Variants in ENPP3 observed in about 807,000 individuals in gnomAD.
ENPP3 encodes ectonucleotide pyrophosphatase/phosphodiesterase family member 3.
A neutral mutation model predicts 117.8 loss-of-function variants in ENPP3; 104 were observed. The observed-to-expected ratio is 0.88, with a 90% CI of 0.75 to 1.04. The LOEUF (loss-of-function observed/expected upper bound fraction) is 1.04. ENPP3 is among the 50% of genes least tolerant of loss of function. The pLI is 0.00. For missense variants in ENPP3, 1,026 were observed against 1,051.9 expected (o/e 0.98, Z 0.34); for synonymous variants, 380 against 349.9 (o/e 1.09, Z -0.96).
chr6:131,723,381 G>A (rs192409773), intron 18 of ENPP3, among the ~76,000 whole-genome samples: 5 of 152,180 alleles, frequency 3.3e-5, no homozygotes, highest in African/African-American at 4.8e-5. Flanking sequence ...GTTTCCTACC[G>A]ACTGCTCCTG....
rs939374001 is a variant in ENPP3, at chr6:131,679,047, T to C, written c.1011+1107T>C. On this transcript the variant is annotated intron_variant, in intron 11 of 24. Transcript: ENST00000357639. ...CTTCCTTCTTTCTTTCTTTCTTTCTTTCTTTCTTTCTTTCTTTCTTTCTTT... is the reference window on the plus strand; with the variant it reads ...CTTCCTTCTTTCTTTCTTTCTTTCTCTCTTTCTTTCTTTCTTTCTTTCTTT... Among the ~76,000 whole-genome samples, 216 of 120,854 alleles carry C rather than the reference T, an allele frequency of 1.8e-3. 4 individuals carry two copies. The highest frequency in any genetic ancestry group is 7.0e-3 in the African/African-American group (171 of 24,332). 79.3% of individuals were successfully genotyped at this position (120,854 alleles called of 152,430 possible).
chr6:131,676,707 A>T, intron 9 of ENPP3, 29 bp from the exon 10 acceptor site: 1 of 1,408,494 alleles, frequency 7.1e-7, no homozygotes, highest in Non-Finnish European at 1.0e-6. Context: ...GATTCATTTT[A>T]AAGAATTATT....
At chr6:131,702,146 G>C (rs1234776303) in intron 15 of ENPP3, among the ~76,000 whole-genome samples, 1 of 151,970 alleles carries the variant, frequency 6.6e-6, no homozygotes, top group East Asian at 1.9e-4. Flanking sequence ...TTCCTTGGTC[G>C]TATTATTCAG....
chr6:131,665,764 T>C (rs1474517110), intron 6 of ENPP3, among the ~76,000 whole-genome samples: 2 of 152,074 alleles, frequency 1.3e-5, no homozygotes, highest in South Asian at 2.1e-4. Flanking sequence ...CTGCTAAACT[T>C]GGATTTAGTT....
chr6:131,679,026 CTTCT>C lies in ENPP3; in HGVS notation c.1011+1145_1011+1148del, dbSNP rs1188919565. ...GCTTCCTTCCTTCCTTCCTTCCTTC[CTTCT>C]TTCTTTCTTTCTTTCTTTCTTTCTT... is the stretch of plus-strand genomic sequence containing the variant. On this transcript the variant is annotated intron_variant, in intron 11 of 24. Transcript: ENST00000357639. Among the ~76,000 whole-genome samples, 201 of 47,824 alleles carry C rather than the reference CTTCT, an allele frequency of 4.2e-3. 1 individual carries two copies. Among genetic ancestry groups the C allele is most frequent in the Non-Finnish European group, 4.9e-3 (134 of 27,212 alleles). The allele number at this position is 47,824 out of a possible 152,430, so 31.4% of individuals were successfully genotyped here. A position where few individuals can be genotyped will look rare whatever the true frequency, so the allele number is the denominator to read the frequency against.
At position 131,650,091 on chromosome 6, in the gene ENPP3, G is replaced by C. The variant is rs1778231585; in HGVS notation, c.219G>C (p.Val73=). 2.5e-6 allele frequency: 4 copies of C among 1,614,036 alleles called. No individual in the cohort carries two copies. The highest frequency in any genetic ancestry group is 1.7e-5 in the Admixed American group (1 of 59,994). ...GACTGGAGAACTGCCGGTGTGATGT[G>C]GCATGTAAAGACCGAGGTGATTGCT... ...FRGLENCRCD[V]ACKDRGDCCW... The change falls in exon 3 of 25, where the codon GTG becomes GTC. Residue 73 remains valine, a synonymous_variant. Coordinates refer to ENST00000357639, the MANE Select transcript of ENPP3 (RefSeq NM_005021.5).
chr6:131,734,738 C>T (rs980483254), intron 21 of ENPP3, among the ~76,000 whole-genome samples: 3 of 151,576 alleles, frequency 2.0e-5, no homozygotes, highest in African/African-American at 4.8e-5. Flanking sequence ...CCCGTCTCTA[C>T]TAAAAATAGA....
At chr6:131,735,321 T>C (rs556758093) in intron 21 of ENPP3, among the ~76,000 whole-genome samples, 1 of 152,324 alleles carries the variant, frequency 6.6e-6, no homozygotes, top group African/African-American at 2.4e-5. Context: ...TGATTGACTT[T>C]CCAACTTTCA....
intron 18 of ENPP3, among the ~76,000 whole-genome samples, chr6:131,723,198 T>C (rs1326577385): frequency 6.6e-6 from 1 of 152,136 alleles, no homozygotes; most frequent in Non-Finnish European, 1.5e-5. Context: ...CTGCCTCAGG[T>C]AAGAATTTTT....
intron 14 of ENPP3, among the ~76,000 whole-genome samples, chr6:131,692,798 GTTATATA>G (rs1269938568): frequency 2.1e-5 from 3 of 140,852 alleles, no homozygotes; most frequent in Admixed American, 1.4e-4. Flanking sequence ...ATAATATGTA[GTTATATA>G]TGATATATGA....
chr6:131,729,237 A>C (rs1312457771), intron 20 of ENPP3, among the ~76,000 whole-genome samples: 1 of 152,232 alleles, frequency 6.6e-6, no homozygotes, highest in African/African-American at 2.4e-5. Flanking sequence ...CTATGAAAGA[A>C]TTATTTTTCC....
At chr6:131,683,697 C>A (rs1779081496) in intron 12 of ENPP3, among the ~76,000 whole-genome samples, 1 of 151,292 alleles carries the variant, frequency 6.6e-6, no homozygotes, top group Admixed American at 6.6e-5. Flanking sequence ...TCTGCCACCT[C>A]ACGCAAAATG....
At chr6:131,639,204 T>G (rs1350044206) in intron 1 of ENPP3, among the ~76,000 whole-genome samples, 1 of 151,102 alleles carries the variant, frequency 6.6e-6, no homozygotes, top group African/African-American at 2.4e-5. Flanking sequence ...TTTATCCTTC[T>G]GAGAATTTCA....
chr6:131,675,821 G>A (rs548095958), intron 9 of ENPP3, among the ~76,000 whole-genome samples: 25 of 152,220 alleles, frequency 1.6e-4, no homozygotes, highest in South Asian at 2.1e-4. Flanking sequence ...CAGCCTGGGC[G>A]ACAGAGCGCG....
chr6:131,717,351 G>GGTGTGTGT lies in ENPP3; in HGVS notation c.1413-1274_1413-1267dup, dbSNP rs71030754. Among the ~76,000 whole-genome samples the GGTGTGTGT allele has an allele frequency of 5.7e-4, 51 of 89,422 alleles. 1 individual carries two copies. Among genetic ancestry groups the GGTGTGTGT allele is most frequent in the East Asian group, 9.3e-4 (3 of 3,234 alleles). 58.7% of individuals were successfully genotyped at this position (89,422 alleles called of 152,430 possible). A position where few individuals can be genotyped will look rare whatever the true frequency, so the allele number is the denominator to read the frequency against. On this transcript the variant is annotated intron_variant, in intron 15 of 24. Coordinates refer to ENST00000357639, the MANE Select transcript of ENPP3 (RefSeq NM_005021.5). ...AAAAACAAACAGAAACCCTGCGGGG[G>GGTGTGTGT]GTGTGTGTGTGTGTGTGTGTGTGTG...
At chr6:131,676,601 A>G in intron 9 of ENPP3, 135 bp from the exon 10 acceptor site, 2 of 611,336 alleles carry the variant, frequency 3.3e-6, no homozygotes, top group Middle Eastern at 4.1e-4. Flanking sequence ...ATAATACTGA[A>G]TACCTTCCAG....
chr6:131,691,636 A>G (rs1779281779), intron 14 of ENPP3, among the ~76,000 whole-genome samples: 2 of 152,170 alleles, frequency 1.3e-5, no homozygotes, highest in South Asian at 4.1e-4. Context: ...ATTGTATCTC[A>G]ACTCTGTAGA....
chr6:131,692,289 A>G (rs1267084513), intron 14 of ENPP3, among the ~76,000 whole-genome samples: 1 of 152,068 alleles, frequency 6.6e-6, no homozygotes, highest in African/African-American at 2.4e-5. Flanking sequence ...TTTTACATAA[A>G]TAGATACCAA....
At chr6:131,728,143 A>G (rs1036850025) in intron 20 of ENPP3, among the ~76,000 whole-genome samples, 2 of 152,192 alleles carry the variant, frequency 1.3e-5, no homozygotes, top group Admixed American at 1.3e-4. Flanking sequence ...TAATATGCAC[A>G]GTGTTCAGTT....
Sources: allele counts gnomAD v4.1 joint callset (sites outside exome capture counted in the v4.1 genomes callset), GRCh38; gene constraint gnomAD v4.1.1; transcripts MANE v1.5; gene names NCBI Gene and HGNC (gene_info 2026-07-23, HGNC 2026-07-21).